CDH12: variants seen among roughly 807,000 people sequenced by gnomAD.
CDH12 encodes the protein cadherin 12, also known as cadherin-12.
Under a neutral mutation model 74.1 loss-of-function variants are expected in CDH12, and 41 were observed. The observed-to-expected ratio is 0.55, with a 90% CI of 0.43 to 0.72. The LOEUF (loss-of-function observed/expected upper bound fraction) is 0.72, where lower values mean the gene tolerates loss of function less well. Ranked by LOEUF, CDH12 falls within the 30% of genes least tolerant of loss-of-function variation. The pLI, the probability that CDH12 is intolerant of heterozygous loss-of-function variation, is 0.00. For synonymous variants in CDH12, 399 were observed against 355.0 expected, an observed-to-expected ratio of 1.12 and a Z score of -1.39; for missense variants, 945 against 977.2, an observed-to-expected ratio of 0.97 and a Z score of 0.44.
At chr5:21,848,072 C>G (rs1750273261) in intron 7 of CDH12, among the ~76,000 whole-genome samples, 1 of 151,990 alleles carries the variant, frequency 6.6e-6, no homozygotes, top group Non-Finnish European at 1.5e-5. Flanking sequence ...AGTGTTTATC[C>G]TTCAGGAGAG....
intron 1 of CDH12, among the ~76,000 whole-genome samples, chr5:22,658,382 T>C (rs1406630774): frequency 6.6e-6 from 1 of 152,146 alleles, no homozygotes; most frequent in Non-Finnish European, 1.5e-5. Flanking sequence ...GCATACATAA[T>C]TTTAGTTTAT....
intron 6 of CDH12, among the ~76,000 whole-genome samples, chr5:21,949,017 G>A (rs1755705098): frequency 6.6e-6 from 1 of 152,024 alleles, no homozygotes; most frequent in Non-Finnish European, 1.5e-5. Context: ...GCAGAACTGT[G>A]ACTCAATTAA....
At chr5:22,606,896 T>C (rs1737146893) in intron 1 of CDH12, among the ~76,000 whole-genome samples, 1 of 152,188 alleles carries the variant, frequency 6.6e-6, no homozygotes, top group Admixed American at 6.5e-5. Flanking sequence ...TTGACCAAAA[T>C]GCCAATAATA....
intron 1 of CDH12, among the ~76,000 whole-genome samples, chr5:22,591,340 T>C (rs1736304306): frequency 6.6e-6 from 1 of 150,616 alleles, no homozygotes; most frequent in South Asian, 2.1e-4. Context: ...AATAACTTGC[T>C]TGGATTGATC....
intron 3 of CDH12, among the ~76,000 whole-genome samples, chr5:22,343,315 C>CACAG (rs1554033418): frequency 5.7e-5 from 7 of 123,344 alleles, no homozygotes; most frequent in African/African-American, 2.5e-4. Context: ...CACACACAGA[C>CACAG]ACACACACAG....
At chr5:22,516,642 A>T (rs1736818423) in intron 1 of CDH12, among the ~76,000 whole-genome samples, 1 of 152,072 alleles carries the variant, frequency 6.6e-6, no homozygotes, top group Non-Finnish European at 1.5e-5. Flanking sequence ...AAAAAATACA[A>T]AAATTAGCAG....
intron 6 of CDH12, chr5:21,884,142 A>T (rs1382996126): frequency 6.5e-7 from 1 of 1,528,506 alleles, no homozygotes; most frequent in Non-Finnish European, 9.1e-7. Context: ...AGAAAAAGGA[A>T]TTATTGACCC....
At chr5:22,448,785 A>G (rs1161571558) in intron 2 of CDH12, among the ~76,000 whole-genome samples, 1 of 151,992 alleles carries the variant, frequency 6.6e-6, no homozygotes, top group Non-Finnish European at 1.5e-5. Context: ...ATTTTTTTCT[A>G]GATACTTCTT....
chr5:22,697,347 G>A (rs1415784207), intron 1 of CDH12, among the ~76,000 whole-genome samples: 1 of 151,992 alleles, frequency 6.6e-6, no homozygotes, highest in African/African-American at 2.4e-5. Flanking sequence ...CGAGGCGGGT[G>A]GATCACGAGG....
At chr5:22,536,014 T>C (rs1033392853) in intron 1 of CDH12, among the ~76,000 whole-genome samples, 1 of 152,246 alleles carries the variant, frequency 6.6e-6, no homozygotes, top group Non-Finnish European at 1.5e-5. Context: ...TGTCTGAAGA[T>C]AATTTAAAGT....
At chr5:21,858,403 A>AT (rs1750863939) in intron 6 of CDH12, among the ~76,000 whole-genome samples, 2 of 151,914 alleles carry the variant, frequency 1.3e-5, no homozygotes, top group African/African-American at 4.8e-5. Context: ...TTGAGTCAAT[A>AT]TTTTTTGTCC....
intron 1 of CDH12, among the ~76,000 whole-genome samples, chr5:22,827,761 AAAG>A (rs1462195347): frequency 6.6e-6 from 1 of 152,222 alleles, no homozygotes; most frequent in Admixed American, 6.5e-5. Flanking sequence ...TTAAGACTGT[AAAG>A]AAGTAAGAGA....
chr5:22,248,831 A>G (rs1239494971), intron 3 of CDH12, among the ~76,000 whole-genome samples: 8 of 152,044 alleles, frequency 5.3e-5, no homozygotes, highest in Admixed American at 5.2e-4. Context: ...TAACTAAACC[A>G]TATTCTAAAA....
chr5:21,753,030 G>A (rs563159844), intron 14 of CDH12, among the ~76,000 whole-genome samples: 1 of 152,050 alleles, frequency 6.6e-6, no homozygotes, highest in Non-Finnish European at 1.5e-5. Context: ...TTGATTTAAA[G>A]CTCTCCACTA....
At chr5:22,297,883 ATACT>A (rs955598410) in intron 3 of CDH12, among the ~76,000 whole-genome samples, 7 of 152,076 alleles carry the variant, frequency 4.6e-5, no homozygotes, top group African/African-American at 1.7e-4. Flanking sequence ...ATAAATTTAC[ATACT>A]TAATGAATGA....
intron 13 of CDH12, 71 bp from the exon 14 acceptor site, chr5:21,755,913 C>A: frequency 1.4e-6 from 2 of 1,417,372 alleles, no homozygotes; most frequent in South Asian, 1.2e-5. Context: ...TTGGTATCTG[C>A]TCAATAGTAA....
intron 5 of CDH12, among the ~76,000 whole-genome samples, chr5:22,026,261 C>T (rs377262122): frequency 2.6e-5 from 4 of 152,202 alleles, no homozygotes. Context: ...TAGACATGAT[C>T]CCTAGTGGAA....
At position 22,146,936 on chromosome 5, in the gene CDH12, G is replaced by A. The variant is rs149100406; in HGVS notation, c.-187+65562C>T. On this transcript the variant is annotated intron_variant, in intron 4 of 14. Coordinates refer to ENST00000382254, the MANE Select transcript of CDH12 (RefSeq NM_004061.5). ...GACAAGACCACATGAAATAGGATCAGCTTAGCCATTACCTTCAGGAAGCTT... is the reference window on the plus strand; with the variant it reads ...GACAAGACCACATGAAATAGGATCAACTTAGCCATTACCTTCAGGAAGCTT... Among the ~76,000 whole-genome samples, 1,226 of 151,538 alleles carry A rather than the reference G, an allele frequency of 8.1e-3. 22 individuals carry two copies. The highest frequency in any genetic ancestry group is 0.028 in the African/African-American group (1,179 of 41,490).
At chr5:22,129,582 T>A (rs1746069009) in intron 4 of CDH12, among the ~76,000 whole-genome samples, 1 of 152,116 alleles carries the variant, frequency 6.6e-6, no homozygotes, top group African/African-American at 2.4e-5. Context: ...AATTAACAGG[T>A]CTTTGAATGT....
Sources: allele counts gnomAD v4.1 joint callset (sites outside exome capture counted in the v4.1 genomes callset), GRCh38; gene constraint gnomAD v4.1.1; transcripts MANE v1.5; gene names NCBI Gene and HGNC (gene_info 2026-07-23, HGNC 2026-07-21).